Variants in PRKCB observed in about 807,000 individuals in gnomAD.
PRKCB encodes the protein protein kinase C beta.
In PRKCB, 13 loss-of-function variants were observed where a neutral mutation model predicts 81.5. That is an observed-to-expected ratio of 0.16 (90% CI 0.10 to 0.25). The LOEUF is 0.25. Among genes scored for constraint, PRKCB ranks in the 10% least tolerant of loss-of-function variants. The pLI is 1.00. For missense variants in PRKCB, 509 were observed against 875.7 expected, an observed-to-expected ratio of 0.58 and a Z score of 5.29; for synonymous variants, 335 against 321.4, an observed-to-expected ratio of 1.04 and a Z score of -0.45.
chr16:24,206,190 A>C (rs1372021777), intron 16 of PRKCB, among the ~76,000 whole-genome samples: 1 of 152,136 alleles, frequency 6.6e-6, no homozygotes, highest in African/African-American at 2.4e-5. Flanking sequence ...TTTCTGCCAA[A>C]ACCCAGACCA....
At position 24,185,567 on chromosome 16, in the gene PRKCB, G is replaced by C. The variant is rs763157141; in HGVS notation, c.1722G>C (p.Gly574=). The part of the protein sequence containing the change: ...MSKEAVAICK[G]LMTKHPGKRL... ...AGGAAGCTGTGGCCATCTGCAAAGG[G>C]GTAAGTGCATCTCTTAAAGCTGTGA... Residue 574 remains glycine (G), a splice_region_variant and synonymous_variant, in exon 15 of 17, where the codon GGG becomes GGC. Transcript: ENST00000643927. The C allele has an allele frequency of 2.5e-6, 4 of 1,610,560 alleles. No homozygotes were observed. In the South Asian group the frequency reaches 4.4e-5, roughly 18 times the overall value.
At chr16:23,948,088 C>T (rs1964228275) in intron 2 of PRKCB, among the ~76,000 whole-genome samples, 2 of 152,036 alleles carry the variant, frequency 1.3e-5, no homozygotes, top group African/African-American at 2.4e-5. Context: ...TTGATCTGTT[C>T]TGGAGGGGGA....
chr16:23,865,754 T>A (rs1424903353), intron 2 of PRKCB, among the ~76,000 whole-genome samples: 1 of 151,356 alleles, frequency 6.6e-6, no homozygotes, highest in Non-Finnish European at 1.5e-5. Context: ...CTTCCCTCCA[T>A]TGCATAGATT....
intron 2 of PRKCB, among the ~76,000 whole-genome samples, chr16:23,867,076 C>CTCTT (rs1213524822): frequency 3.0e-4 from 19 of 64,066 alleles, no homozygotes; most frequent in Admixed American, 8.3e-4. Flanking sequence ...TTCTTTCTTT[C>CTCTT]TCTTTCTTTC....
intron 8 of PRKCB, among the ~76,000 whole-genome samples, chr16:24,117,942 C>T (rs74350475): frequency 1.4e-3 from 209 of 152,336 alleles, no homozygotes; most frequent in Non-Finnish European, 9.1e-4. Flanking sequence ...TCCACTCACC[C>T]GCACTTTCAA....
intron 5 of PRKCB, among the ~76,000 whole-genome samples, chr16:24,036,082 T>C (rs1395800290): frequency 6.6e-6 from 1 of 152,198 alleles, no homozygotes; most frequent in African/African-American, 2.4e-5. Flanking sequence ...TATTTCTTTC[T>C]TGAACCTGAT....
At chr16:24,082,285 T>C (rs1391421381) in intron 5 of PRKCB, among the ~76,000 whole-genome samples, 1 of 152,210 alleles carries the variant, frequency 6.6e-6, no homozygotes, top group African/African-American at 2.4e-5. Context: ...TAGCAAGTCT[T>C]ACGATTGATT....
chr16:24,021,085 T>C (rs1965374457), intron 3 of PRKCB, among the ~76,000 whole-genome samples: 1 of 130,134 alleles, frequency 7.7e-6, no homozygotes, highest in Non-Finnish European at 1.6e-5. Flanking sequence ...CTTTCTTTCT[T>C]TCTTTTTTTC....
chr16:23,853,200 A>C (rs1426641913), intron 2 of PRKCB, among the ~76,000 whole-genome samples: 2 of 152,208 alleles, frequency 1.3e-5, no homozygotes, highest in East Asian at 3.8e-4. Flanking sequence ...ATTAGTAAGA[A>C]TCTATTAAAG....
chr16:23,990,854 G>T (rs999149189), intron 3 of PRKCB, among the ~76,000 whole-genome samples: 4 of 152,146 alleles, frequency 2.6e-5, no homozygotes, highest in Admixed American at 2.6e-4. Context: ...GACCCTGGGG[G>T]CATTCTTTTA....
intron 10 of PRKCB, among the ~76,000 whole-genome samples, chr16:24,165,433 A>G (rs1322698950): frequency 6.6e-6 from 1 of 152,200 alleles, no homozygotes; most frequent in Non-Finnish European, 1.5e-5. Context: ...AACCTTATTC[A>G]TCGTTTTCAT....
At chr16:23,897,191 G>A (rs1485362920) in intron 2 of PRKCB, among the ~76,000 whole-genome samples, 2 of 152,186 alleles carry the variant, frequency 1.3e-5, no homozygotes, top group African/African-American at 4.8e-5. Flanking sequence ...ATGGGCCAGG[G>A]GCATGGGGAA....
chr16:24,121,567 G>C (rs1035897361), intron 8 of PRKCB, among the ~76,000 whole-genome samples: 6 of 152,020 alleles, frequency 3.9e-5, no homozygotes, highest in Non-Finnish European at 7.4e-5. Context: ...TTTTGAGATA[G>C]GGTCTGGCTG....
chr16:23,974,512 C>G (rs1049246516), intron 2 of PRKCB, among the ~76,000 whole-genome samples: 6 of 152,152 alleles, frequency 3.9e-5, no homozygotes, highest in Admixed American at 3.3e-4. Flanking sequence ...AGGATCAGGA[C>G]TGAGGCAGGC....
chr16:23,864,797 G>A (rs1339700299), intron 2 of PRKCB, among the ~76,000 whole-genome samples: 2 of 152,108 alleles, frequency 1.3e-5, no homozygotes, highest in East Asian at 3.9e-4. Flanking sequence ...GTTATGGAGC[G>A]TGATGCTAAG....
intron 16 of PRKCB, among the ~76,000 whole-genome samples, chr16:24,197,211 G>A (rs1012284730): frequency 6.6e-6 from 1 of 152,176 alleles, no homozygotes; most frequent in Non-Finnish European, 1.5e-5. Context: ...TAAAATATAC[G>A]ATGTGTCAGA....
chr16:24,206,625 C>G (rs1476279683), intron 16 of PRKCB, among the ~76,000 whole-genome samples: 4 of 152,216 alleles, frequency 2.6e-5, no homozygotes, highest in African/African-American at 4.8e-5. Context: ...AGCAATGTCT[C>G]TCTTGCAGGT....
At chr16:23,888,324 G>T (rs552984105) in intron 2 of PRKCB, among the ~76,000 whole-genome samples, 1 of 152,162 alleles carries the variant, frequency 6.6e-6, no homozygotes, top group Non-Finnish European at 1.5e-5. Context: ...AGGAAGCTCC[G>T]TGAAAGCTCT....
intron 5 of PRKCB, among the ~76,000 whole-genome samples, chr16:24,048,365 C>G (rs188022973): frequency 5.9e-4 from 90 of 152,318 alleles, no homozygotes; most frequent in Admixed American, 4.1e-3. Context: ...GGACTTGAAT[C>G]TAACTATGCC....
Sources: allele counts gnomAD v4.1 joint callset (sites outside exome capture counted in the v4.1 genomes callset), GRCh38; gene constraint gnomAD v4.1.1; transcripts MANE v1.5; gene names NCBI Gene and HGNC (gene_info 2026-07-23, HGNC 2026-07-21).